The following KCNQ3 variants were observed in gnomAD, a reference collection of about 807,000 sequenced individuals.
KCNQ3 encodes potassium voltage-gated channel subfamily KQT member 3.
A neutral mutation model predicts 92.5 loss-of-function variants in KCNQ3; 30 were observed. The ratio of observed to expected loss-of-function variants is 0.32; its 90% CI spans 0.24 to 0.44. The LOEUF is 0.44. KCNQ3 is among the 20% of genes least tolerant of loss of function. The pLI is 1.00. For missense variants in KCNQ3, 913 were observed against 1,140.3 expected, an observed-to-expected ratio of 0.80 and a Z score of 2.87; for synonymous variants, 450 against 468.8, an observed-to-expected ratio of 0.96 and a Z score of 0.52.
At chr8:132,272,096 G>A (rs779169869) in intron 1 of KCNQ3, among the ~76,000 whole-genome samples, 20 of 152,242 alleles carry the variant, frequency 1.3e-4, no homozygotes, top group East Asian at 1.2e-3. Context: ...CTCTTACTAC[G>A]TCTAGGTAAC....
intron 1 of KCNQ3, among the ~76,000 whole-genome samples, chr8:132,293,580 T>C (rs747120575): frequency 2.4e-4 from 36 of 152,238 alleles, no homozygotes; most frequent in Non-Finnish European, 4.1e-4. Context: ...TCTTGTTCTT[T>C]AATCCAGTTT....
chr8:132,165,891 TC>T (rs1163282883), intron 8 of KCNQ3, among the ~76,000 whole-genome samples: 3 of 152,226 alleles, frequency 2.0e-5, no homozygotes, highest in Admixed American at 1.3e-4. Flanking sequence ...TTCCAGGACA[TC>T]CTAAAGCTTA....
At chr8:132,413,987 G>A (rs1006402271) in intron 1 of KCNQ3, among the ~76,000 whole-genome samples, 2 of 152,172 alleles carry the variant, frequency 1.3e-5, no homozygotes, top group African/African-American at 2.4e-5. Flanking sequence ...CTGAGGAGAC[G>A]CCCGCCCCAG....
chr8:132,213,824 C>A (rs1178718752), intron 1 of KCNQ3, among the ~76,000 whole-genome samples: 1 of 152,124 alleles, frequency 6.6e-6, no homozygotes, highest in African/African-American at 2.4e-5. Context: ...GGGAACTGAG[C>A]AAATCAATGC....
At chr8:132,213,284 C>T (rs1441415183) in intron 1 of KCNQ3, among the ~76,000 whole-genome samples, 1 of 152,116 alleles carries the variant, frequency 6.6e-6, no homozygotes, top group Non-Finnish European at 1.5e-5. Flanking sequence ...TTTGATAGTC[C>T]CACCAGTGGC....
intron 1 of KCNQ3, among the ~76,000 whole-genome samples, chr8:132,331,102 C>T (rs929352542): frequency 2.0e-5 from 3 of 152,194 alleles, no homozygotes; most frequent in Non-Finnish European, 4.4e-5. Context: ...TGCTAACACT[C>T]ATGGAGCACC....
intron 1 of KCNQ3, among the ~76,000 whole-genome samples, chr8:132,322,925 G>A (rs1460708638): frequency 1.3e-5 from 2 of 152,166 alleles, no homozygotes; most frequent in Non-Finnish European, 2.9e-5. Context: ...AAAGTGCCAA[G>A]TGCACCACTT....
intron 1 of KCNQ3, among the ~76,000 whole-genome samples, chr8:132,335,549 G>C (rs1477894562): frequency 6.6e-6 from 1 of 152,222 alleles, no homozygotes; most frequent in African/African-American, 2.4e-5. Context: ...AGAGGAATTA[G>C]AGGGTGACGG....
chr8:132,368,411 AG>A (rs1819380917), intron 1 of KCNQ3, among the ~76,000 whole-genome samples: 1 of 152,268 alleles, frequency 6.6e-6, no homozygotes, highest in South Asian at 2.1e-4. Context: ...CCAGCACTTG[AG>A]GAAGCTAAGG....
At chr8:132,403,274 C>T (rs570194550) in intron 1 of KCNQ3, among the ~76,000 whole-genome samples, 1 of 152,246 alleles carries the variant, frequency 6.6e-6, no homozygotes, top group East Asian at 1.9e-4. Flanking sequence ...CTTGGGCCCT[C>T]CTGTGGATCT....
chr8:132,457,820 ATAT>A (rs976964606), intron 1 of KCNQ3, among the ~76,000 whole-genome samples: 37 of 152,240 alleles, frequency 2.4e-4, no homozygotes, highest in African/African-American at 8.2e-4. Flanking sequence ...GGGGCAAGAC[ATAT>A]TATCCTATTT....
At chr8:132,261,605 G>C (rs915031317) in intron 1 of KCNQ3, among the ~76,000 whole-genome samples, 32 of 152,224 alleles carry the variant, frequency 2.1e-4, no homozygotes, top group African/African-American at 7.7e-4. Flanking sequence ...GGCAAGCTCA[G>C]TGGGGACCAA....
At chr8:132,295,755 C>G (rs1166864954) in intron 1 of KCNQ3, among the ~76,000 whole-genome samples, 1 of 152,164 alleles carries the variant, frequency 6.6e-6, no homozygotes, top group Non-Finnish European at 1.5e-5. Context: ...GAGCTGGAAG[C>G]CATTATCCTT....
At chr8:132,165,500 C>T (rs1445102361) in intron 8 of KCNQ3, among the ~76,000 whole-genome samples, 2 of 152,214 alleles carry the variant, frequency 1.3e-5, no homozygotes, top group Non-Finnish European at 1.5e-5. Context: ...CTTTCCCCTT[C>T]GGCATCAATA....
chr8:132,413,856 A>C (rs996389371), intron 1 of KCNQ3, among the ~76,000 whole-genome samples: 1 of 152,230 alleles, frequency 6.6e-6, no homozygotes, highest in African/African-American at 2.4e-5. Flanking sequence ...CTGCAGGAGC[A>C]CGTGACTGGG....
Position 132,122,572 on chromosome 8 carries a change from G to A in KCNQ3, c.*6690C>T, listed in dbSNP as rs1263406502. ...AAAGAAATTCATTATTTCCCTTGAA[G>A]CTTATTTTAAGCCCATAACAGTGCT... On this transcript the variant is annotated 3_prime_UTR_variant, in exon 15 of 15. Coordinates refer to ENST00000388996, the MANE Select transcript of KCNQ3 (RefSeq NM_004519.4). 1 of 152,178 alleles carries A rather than the reference G, an allele frequency of 6.6e-6. No individual in the cohort carries two copies. Among genetic ancestry groups the A allele is most frequent in the Non-Finnish European group, 1.5e-5 (1 of 68,026 alleles). The allele number at this position is 152,178 out of a possible 1,614,324, so 9.4% of individuals were successfully genotyped here. A position where few individuals can be genotyped will look rare whatever the true frequency, so the allele number is the denominator to read the frequency against.
intron 1 of KCNQ3, among the ~76,000 whole-genome samples, chr8:132,378,116 G>A (rs533505093): frequency 4.6e-5 from 7 of 152,208 alleles, no homozygotes; most frequent in South Asian, 2.1e-4. Flanking sequence ...CAATATGGCC[G>A]GGCATGGTGG....
chr8:132,142,354 A>T (rs1338365219), intron 9 of KCNQ3, among the ~76,000 whole-genome samples: 1 of 152,086 alleles, frequency 6.6e-6, no homozygotes, highest in Non-Finnish European at 1.5e-5. Context: ...CAAATCTGTG[A>T]CCTTTTTGAG....
intron 1 of KCNQ3, among the ~76,000 whole-genome samples, chr8:132,286,415 C>T (rs1026821032): frequency 1.3e-5 from 2 of 152,320 alleles, no homozygotes; most frequent in Non-Finnish European, 2.9e-5. Context: ...TTCAGATTTG[C>T]TTTGGGCTGG....
Sources: allele counts gnomAD v4.1 joint callset (sites outside exome capture counted in the v4.1 genomes callset), GRCh38; gene constraint gnomAD v4.1.1; transcripts MANE v1.5; gene names NCBI Gene and HGNC (gene_info 2026-07-23, HGNC 2026-07-21).